Variants in CDH23 observed in about 807,000 individuals in gnomAD.
CDH23 encodes the protein cadherin related 23, also known as cadherin-23.
Under a neutral mutation model 317.1 loss-of-function variants are expected in CDH23, and 189 were observed. The observed-to-expected ratio is 0.60, with a 90% CI of 0.53 to 0.67. The LOEUF (loss-of-function observed/expected upper bound fraction) is 0.67. CDH23 is among the 30% of genes least tolerant of loss of function. The probability of loss-of-function intolerance (pLI) is 0.00; values close to 1 mark genes in which losing one functional copy is unlikely to be tolerated. For synonymous variants in CDH23, 1,839 were observed against 1,876.8 expected, an observed-to-expected ratio of 0.98 and a Z score of 0.52; for missense variants, 4,401 against 4,592.4, an observed-to-expected ratio of 0.96 and a Z score of 1.20.
chr10:71,761,861 C>T (rs1458903739), intron 38 of CDH23: 1 of 1,614,136 alleles, frequency 6.2e-7, no homozygotes, highest in Non-Finnish European at 8.5e-7. Flanking sequence ...GCGCTCTGAG[C>T]AGGTCTGCAC....
At chr10:71,655,037 C>T (rs1290104484) in intron 14 of CDH23, among the ~76,000 whole-genome samples, 1 of 152,194 alleles carries the variant, frequency 6.6e-6, no homozygotes, top group Non-Finnish European at 1.5e-5. Context: ...TTCCATACCA[C>T]TTCTGAGCAG....
chr10:71,543,676 A>G (rs935444603), intron 6 of CDH23, among the ~76,000 whole-genome samples: 1 of 152,252 alleles, frequency 6.6e-6, no homozygotes, highest in Non-Finnish European at 1.5e-5. Context: ...CATTTGACAG[A>G]TGGGAAACTG....
At chr10:71,680,218 G>A (rs1227043) in intron 17 of CDH23, among the ~76,000 whole-genome samples, 62,355 of 152,056 alleles carry the variant, frequency 0.41, 13,226 homozygotes, top group South Asian at 0.47. Context: ...TGCCAGGAAA[G>A]CCCTTCCTCC....
At chr10:71,667,466 A>C (rs1863964701) in intron 14 of CDH23, among the ~76,000 whole-genome samples, 2 of 151,892 alleles carry the variant, frequency 1.3e-5, no homozygotes, top group South Asian at 4.2e-4. Flanking sequence ...AGACAGGGAG[A>C]GAAAAGGAAA....
intron 3 of CDH23, among the ~76,000 whole-genome samples, chr10:71,460,990 A>G (rs947876505): frequency 7.9e-5 from 12 of 152,214 alleles, no homozygotes; most frequent in African/African-American, 2.9e-4. Flanking sequence ...ATCAGAAAGG[A>G]TCTGTAGTGC....
intron 3 of CDH23, among the ~76,000 whole-genome samples, chr10:71,453,407 C>T (rs769550382): frequency 1.3e-5 from 2 of 152,388 alleles, no homozygotes; most frequent in Non-Finnish European, 1.5e-5. Context: ...AGGCCGGCAA[C>T]TCCCCGCAGG....
At chr10:71,675,046 G>A in intron 14 of CDH23, 66 bp from the exon 15 acceptor site, 1 of 1,449,584 alleles carries the variant, frequency 6.9e-7, no homozygotes, top group Non-Finnish European at 9.7e-7. Context: ...AGGAACATGG[G>A]TTTCCTGTGG....
At chr10:71,589,398 G>T (rs911501425) in intron 9 of CDH23, among the ~76,000 whole-genome samples, 1 of 152,208 alleles carries the variant, frequency 6.6e-6, no homozygotes, top group Non-Finnish European at 1.5e-5. Context: ...GATTACAGGC[G>T]TGAGCCACCG....
In CDH23 at chr10:71,751,245, C is replaced by A; in HGVS notation, c.4845+9324C>A. On this transcript the variant is annotated intron_variant, in intron 38 of 69. Coordinates refer to ENST00000224721, the MANE Select transcript of CDH23 (RefSeq NM_022124.6). This position sits in a 1 kb window ranked among gnomAD's most constrained non-coding sequence, Gnocchi z 4.9. ...CCAGCCACAACAGCCCACTGTCCCC[C>A]AGCTGGGCTAGATGACCTCAAAGTT... 2 of 1,607,354 alleles carry A rather than the reference C, an allele frequency of 1.2e-6. No homozygotes were observed. Among genetic ancestry groups the A allele is most frequent in the South Asian group, 1.1e-5 (1 of 89,862 alleles).
Position 71,809,995 on chromosome 10 carries a change from C to T in CDH23, c.8898C>T (p.Asp2966=), listed in dbSNP as rs775801383. The T allele has an allele frequency of 2.5e-6, 4 of 1,612,262 alleles. No individual in the cohort carries two copies. Among genetic ancestry groups the T allele is most frequent in the African/African-American group, 2.7e-5 (2 of 74,912 alleles). Residue 2966 remains aspartate, a synonymous_variant, in exon 61 of 70, where the codon GAC becomes GAT. Coordinates refer to ENST00000224721, the MANE Select transcript of CDH23 (RefSeq NM_022124.6). ...AGATCGTCATTAACGAGATCCCCGA[C>T]CGTGTGCGCGGCTTCGAGGAGGAGT... ...RVKIVINEIP[D]RVRGFEEEFI... is the part of the protein sequence containing the mutation.
At chr10:71,773,299 A>C (rs1370009101) in intron 38 of CDH23, 1 of 1,533,496 alleles carries the variant, frequency 6.5e-7, no homozygotes, top group Non-Finnish European at 8.8e-7. Context: ...CACAGTTCCC[A>C]CTCCAGTCTG....
intron 8 of CDH23, among the ~76,000 whole-genome samples, chr10:71,574,616 G>A (rs540612607): frequency 1.8e-4 from 28 of 152,292 alleles, no homozygotes; most frequent in Middle Eastern, 3.4e-3. Flanking sequence ...ATGGGGTAGG[G>A]GGTGTCCCGG....
At chr10:71,705,226 T>C (rs1865741881) in intron 25 of CDH23, 96 bp downstream of exon 25, 1 of 1,174,556 alleles carries the variant, frequency 8.5e-7, no homozygotes, top group African/African-American at 1.5e-5. Flanking sequence ...CCCCCACTGC[T>C]GTCTATTGGA....
intron 6 of CDH23, among the ~76,000 whole-genome samples, chr10:71,518,355 C>A (rs1270075266): frequency 6.6e-6 from 1 of 152,176 alleles, no homozygotes; most frequent in East Asian, 1.9e-4. Context: ...TTGCAATTTG[C>A]CATGGCCTGC....
At chr10:71,671,143 A>G (rs1864129764) in intron 14 of CDH23, among the ~76,000 whole-genome samples, 1 of 152,056 alleles carries the variant, frequency 6.6e-6, no homozygotes, top group African/African-American at 2.4e-5. Flanking sequence ...TATTTTTAAT[A>G]GAGATGGGGT....
intron 48 of CDH23, among the ~76,000 whole-genome samples, chr10:71,793,968 T>C (rs992607930): frequency 2.0e-5 from 3 of 152,188 alleles, no homozygotes; most frequent in Non-Finnish European, 4.4e-5. Flanking sequence ...TAGAGGAAAG[T>C]AATACCTTGT....
chr10:71,447,586 C>T (rs1269245556), intron 3 of CDH23, among the ~76,000 whole-genome samples: 2 of 152,074 alleles, frequency 1.3e-5, no homozygotes, highest in Non-Finnish European at 1.5e-5. Context: ...AAAACGGCTA[C>T]TCCTTTGGTG....
rs776970090 is a variant in CDH23, at chr10:71,784,250, T to TGCC, written c.5369-36_5369-34dup. On this transcript the variant is annotated intron_variant, in intron 41 of 69. Transcript: ENST00000224721. The stretch of plus-strand genomic sequence containing the variant: ...CTGGGGTCTCCACAGTTCCTGCCAA[T>TGCC]GCCCGACTAACTTGGGCCTCTCCTG... 1.4e-5 allele frequency: 22 copies of TGCC among 1,599,346 alleles called. No homozygotes were observed. The African/African-American group carries it at 2.7e-4, about 19-fold the overall frequency.
chr10:71,547,688 G>A (rs1225984566), intron 6 of CDH23, among the ~76,000 whole-genome samples: 3 of 152,264 alleles, frequency 2.0e-5, no homozygotes, highest in Non-Finnish European at 4.4e-5. Context: ...TGCTCCTGGA[G>A]GCAGAATTGC....
Sources: allele counts gnomAD v4.1 joint callset (sites outside exome capture counted in the v4.1 genomes callset), GRCh38; gene constraint gnomAD v4.1.1; non-coding constraint Gnocchi (gnomAD v3.1); transcripts MANE v1.5; gene names NCBI Gene and HGNC (gene_info 2026-07-23, HGNC 2026-07-21).